NPFFR2: variants seen among roughly 807,000 people sequenced by gnomAD.
The protein encoded by NPFFR2 is neuropeptide FF receptor 2, also known as G-protein coupled receptor 74.
A neutral mutation model predicts 13.1 loss-of-function variants in NPFFR2; 15 were observed. The observed-to-expected ratio is 1.15, with a 90% CI of 0.77 to 1.76. The LOEUF (loss-of-function observed/expected upper bound fraction) is 1.76. Among genes scored for constraint, NPFFR2 ranks in the 40% most tolerant of loss-of-function variants. The pLI, the probability that NPFFR2 is intolerant of heterozygous loss-of-function variation, is 0.00. For missense variants in NPFFR2, 572 were observed against 503.5 expected, an observed-to-expected ratio of 1.14 and a Z score of -1.30; for synonymous variants, 190 against 175.7, an observed-to-expected ratio of 1.08 and a Z score of -0.65.
At chr4:72,058,186 G>T (rs954475351) in intron 1 of NPFFR2, among the ~76,000 whole-genome samples, 1 of 151,832 alleles carries the variant, frequency 6.6e-6, no homozygotes, top group African/African-American at 2.4e-5. Context: ...TTTATTTTAT[G>T]GGGAGTACAC....
chr4:72,104,859 AG>A (rs1721373984), intron 1 of NPFFR2, among the ~76,000 whole-genome samples: 1 of 151,926 alleles, frequency 6.6e-6, no homozygotes, highest in Non-Finnish European at 1.5e-5. Context: ...ATACACTCAT[AG>A]GGTATTGTTA....
chr4:72,064,949 G>A lies in NPFFR2; in HGVS notation c.-8+32749G>A, dbSNP rs367811838. On this transcript the variant is annotated intron_variant, in intron 1 of 3. Transcript: ENST00000308744. ...TACACAGGCAAGATGCTGCTGGAGG[G>A]ATGCTTGCAGCCTAACCTGACTGCC... Among the ~76,000 whole-genome samples the A allele has an allele frequency of 2.5e-4, 38 of 152,236 alleles. No homozygotes were observed. The East Asian group carries it at 6.8e-3, about 27-fold the overall frequency.
chr4:72,054,850 C>G (rs1371088973), intron 1 of NPFFR2, among the ~76,000 whole-genome samples: 5 of 151,918 alleles, frequency 3.3e-5, no homozygotes, highest in Non-Finnish European at 7.4e-5. Context: ...AAAAACTGTT[C>G]AGAGTTCTGT....
chr4:72,114,416 CAT>C (rs899080309), intron 1 of NPFFR2, among the ~76,000 whole-genome samples: 12 of 152,030 alleles, frequency 7.9e-5, no homozygotes, highest in South Asian at 2.1e-4. Flanking sequence ...CACATATACA[CAT>C]GTGTAGATAG....
chr4:72,129,010 A>G (rs1722156829), intron 2 of NPFFR2, 91 bp downstream of exon 2: 1 of 976,026 alleles, frequency 1.0e-6, no homozygotes. Context: ...TCATTCATTT[A>G]TTTACATATA....
At chr4:72,092,247 G>T (rs1353301293) in intron 1 of NPFFR2, among the ~76,000 whole-genome samples, 1 of 151,962 alleles carries the variant, frequency 6.6e-6, no homozygotes, top group Admixed American at 6.6e-5. Flanking sequence ...TACTTATTTT[G>T]TGGCCTATCA....
chr4:72,082,694 T>C (rs1452954239), intron 1 of NPFFR2, among the ~76,000 whole-genome samples: 1 of 152,154 alleles, frequency 6.6e-6, no homozygotes, highest in East Asian at 1.9e-4. Context: ...TTAGCATTCT[T>C]AAGTATACGC....
At chr4:72,103,567 T>A (rs979343249) in intron 1 of NPFFR2, among the ~76,000 whole-genome samples, 3 of 152,144 alleles carry the variant, frequency 2.0e-5, no homozygotes, top group African/African-American at 7.2e-5. Context: ...CCATTGTCCT[T>A]GACTAATTCT....
intron 1 of NPFFR2, among the ~76,000 whole-genome samples, chr4:72,052,172 G>C (rs1001011592): frequency 2.2e-4 from 12 of 54,480 alleles, no homozygotes; most frequent in African/African-American, 5.6e-4. Flanking sequence ...TGATACCAAA[G>C]CCGGGCAGAG....
intron 1 of NPFFR2, among the ~76,000 whole-genome samples, chr4:72,111,344 T>G (rs545297315): frequency 2.6e-5 from 4 of 152,008 alleles, no homozygotes; most frequent in Non-Finnish European, 5.9e-5. Flanking sequence ...ACCTGGCTGT[T>G]CCTGGAAATT....
chr4:72,103,915 C>T (rs1721331265), intron 1 of NPFFR2, among the ~76,000 whole-genome samples: 1 of 149,428 alleles, frequency 6.7e-6, no homozygotes, highest in South Asian at 2.1e-4. Context: ...CTCAGTCCTC[C>T]AAGAAACAGA....
At chr4:72,103,714 C>A (rs78706401) in intron 1 of NPFFR2, among the ~76,000 whole-genome samples, 2,719 of 151,994 alleles carry the variant, frequency 0.018, 88 homozygotes, top group African/African-American at 0.062. Context: ...ATTAGTTATG[C>A]CATATCATTT....
At chr4:72,111,042 C>CA (rs993831319) in intron 1 of NPFFR2, among the ~76,000 whole-genome samples, 6 of 151,868 alleles carry the variant, frequency 4.0e-5, no homozygotes, top group Admixed American at 3.9e-4. Flanking sequence ...TTTATGGTTT[C>CA]AAAAAATGTC....
At chr4:72,093,689 G>A (rs897678430) in intron 1 of NPFFR2, among the ~76,000 whole-genome samples, 1 of 151,490 alleles carries the variant, frequency 6.6e-6, no homozygotes, top group Non-Finnish European at 1.5e-5. Context: ...TGTTGTGATT[G>A]TTTTTTATTC....
In NPFFR2 at chr4:72,128,849, C is replaced by G; in HGVS notation, c.258C>G (p.Asn86Lys). Residue 86 changes from asparagine to lysine, a missense_variant, in exon 2 of 4, where the codon AAC becomes AAG. Physicochemically the swap from Asn to Lys is moderately conservative, Grantham distance 94 (BLOSUM62 0). Transcript: ENST00000308744. ...MHTVTNLFILNLAISDLLVGI... is the reference protein window; with the variant it reads ...MHTVTNLFILKLAISDLLVGI... Reference sequence around the variant, plus strand: ...CAGTCACTAATCTCTTCATCTTAAACCTGGCCATAAGTGATTTACTAGTTG... The same window carrying G: ...CAGTCACTAATCTCTTCATCTTAAAGCTGGCCATAAGTGATTTACTAGTTG... The G allele has an allele frequency of 6.2e-7, 1 of 1,614,012 alleles. No homozygotes were observed. The highest frequency in any genetic ancestry group is 8.5e-7 in the Non-Finnish European group (1 of 1,179,916).
intron 1 of NPFFR2, among the ~76,000 whole-genome samples, chr4:72,045,581 C>G (rs13435787): frequency 6.6e-6 from 1 of 152,000 alleles, no homozygotes; most frequent in Non-Finnish European, 1.5e-5. Context: ...TTCCCAAATG[C>G]ATTTAGTACA....
chr4:72,071,968 C>A (rs1720269333), intron 1 of NPFFR2, among the ~76,000 whole-genome samples: 1 of 152,028 alleles, frequency 6.6e-6, no homozygotes, highest in African/African-American at 2.4e-5. Flanking sequence ...CACTCATGCC[C>A]AGGGGAAGGC....
intron 1 of NPFFR2, among the ~76,000 whole-genome samples, chr4:72,095,102 T>C (rs1229661451): frequency 3.3e-5 from 5 of 152,218 alleles, no homozygotes; most frequent in Admixed American, 3.3e-4. Flanking sequence ...TTAATGAATT[T>C]TTTTTGAAAA....
At chr4:72,111,345 C>G (rs1371161585) in intron 1 of NPFFR2, among the ~76,000 whole-genome samples, 1 of 151,908 alleles carries the variant, frequency 6.6e-6, no homozygotes, top group African/African-American at 2.4e-5. Context: ...CCTGGCTGTT[C>G]CTGGAAATTG....
Sources: gnomAD v4.1 joint callset for allele counts (sites outside exome capture counted in the v4.1 genomes callset) on GRCh38, gnomAD v4.1.1 for gene constraint, MANE v1.5 for transcripts, NCBI Gene and HGNC (gene_info 2026-07-23, HGNC 2026-07-21) for gene names.